NFASC: variants seen among roughly 807,000 people sequenced by gnomAD.
NFASC encodes the protein neurofascin.
A neutral mutation model predicts 147.5 loss-of-function variants in NFASC; 43 were observed. The ratio of observed to expected loss-of-function variants is 0.29; its 90% CI spans 0.23 to 0.38. The LOEUF is 0.38. NFASC is among the 10% of genes least tolerant of loss of function. The pLI is 1.00. For missense variants in NFASC, 1,320 were observed against 1,689.0 expected (o/e 0.78, Z 3.83); for synonymous variants, 622 against 665.5 (o/e 0.93, Z 1.01).
chr1:204,863,026 C>T (rs1375323585), intron 1 of NFASC, among the ~76,000 whole-genome samples: 4 of 152,152 alleles, frequency 2.6e-5, no homozygotes, highest in Non-Finnish European at 2.9e-5. Context: ...CTAAAGTCAG[C>T]ACAGAATGGG....
At chr1:204,970,788 T>C (rs766571222) in intron 11 of NFASC, 41 bp downstream of exon 11, 1 of 1,613,490 alleles carries the variant, frequency 6.2e-7, no homozygotes. Context: ...CTCATCTCTC[T>C]GCTGTCAAAG....
At chr1:204,836,428 G>C (rs138837980) in intron 1 of NFASC, among the ~76,000 whole-genome samples, 3 of 152,144 alleles carry the variant, frequency 2.0e-5, no homozygotes, top group Non-Finnish European at 4.4e-5. Flanking sequence ...AAAATTTTAA[G>C]TCTGTCTCCC....
intron 8 of NFASC, among the ~76,000 whole-genome samples, chr1:204,963,974 C>G (rs2094816503): frequency 6.6e-6 from 1 of 152,140 alleles, no homozygotes; most frequent in Non-Finnish European, 1.5e-5. Context: ...GGATTGGTAT[C>G]CTCTGAACAC....
chr1:204,856,174 A>G (rs1452005685), intron 1 of NFASC, among the ~76,000 whole-genome samples: 1 of 152,062 alleles, frequency 6.6e-6, no homozygotes, highest in Non-Finnish European at 1.5e-5. Context: ...CTTGCAGTCC[A>G]ATTGGAAGAA....
intron 4 of NFASC, among the ~76,000 whole-genome samples, chr1:204,951,593 C>T (rs7517121): frequency 0.35 from 52,546 of 151,236 alleles, 10,213 homozygotes; most frequent in Non-Finnish European, 0.44. Context: ...CTCAGCCTCC[C>T]GAGTAGCTGG....
intron 1 of NFASC, among the ~76,000 whole-genome samples, chr1:204,895,538 CT>C (rs1158447164): frequency 1.3e-5 from 2 of 152,186 alleles, no homozygotes; most frequent in Non-Finnish European, 2.9e-5. Context: ...CTGATTTTTG[CT>C]GATGACCATG....
intron 16 of NFASC, chr1:204,977,074 G>A (rs2095422295): frequency 4.1e-6 from 5 of 1,228,388 alleles, no homozygotes; most frequent in Non-Finnish European, 4.1e-6. Flanking sequence ...GGGGTTTCTC[G>A]TTGTGATCAT....
At chr1:204,859,536 T>C (rs1227941019) in intron 1 of NFASC, among the ~76,000 whole-genome samples, 4 of 152,244 alleles carry the variant, frequency 2.6e-5, no homozygotes, top group Admixed American at 2.0e-4. Flanking sequence ...CAGTAAATTA[T>C]CTGTGCTATA....
chr1:204,951,410 C>T (rs1407172824), intron 4 of NFASC, among the ~76,000 whole-genome samples: 53 of 150,626 alleles, frequency 3.5e-4, no homozygotes, highest in Non-Finnish European at 5.0e-4. Flanking sequence ...AAAATCCATC[C>T]GCCTCAGCCT....
intron 3 of NFASC, 48 bp downstream of exon 3, chr1:204,944,454 G>A: frequency 1.0e-6 from 1 of 982,566 alleles, no homozygotes; most frequent in East Asian, 2.8e-5. Context: ...ATTTTGGGCA[G>A]AGGGGTGGGA....
chr1:205,004,106 T>C (rs2096058456), intron 27 of NFASC, among the ~76,000 whole-genome samples: 1 of 152,252 alleles, frequency 6.6e-6, no homozygotes, highest in African/African-American at 2.4e-5. Flanking sequence ...TGTTGCTCAC[T>C]GGTATGTGCA....
At chr1:204,910,550 C>T (rs540592220) in intron 1 of NFASC, among the ~76,000 whole-genome samples, 1 of 152,142 alleles carries the variant, frequency 6.6e-6, no homozygotes, top group South Asian at 2.1e-4. Flanking sequence ...CTCCTGGGCT[C>T]AAGGGATCCT....
At chr1:204,936,204 C>CTT (rs71147722) in intron 2 of NFASC, among the ~76,000 whole-genome samples, 3 of 121,886 alleles carry the variant, frequency 2.5e-5, no homozygotes, top group African/African-American at 3.3e-5. Flanking sequence ...CTTTCTTTTT[C>CTT]TTTTTTTTTT....
chr1:204,900,673 G>A (rs1216261827), intron 1 of NFASC, among the ~76,000 whole-genome samples: 2 of 152,174 alleles, frequency 1.3e-5, no homozygotes, highest in African/African-American at 2.4e-5. Context: ...AGGGGAGACA[G>A]GGAGTGCTGG....
chr1:204,991,355 G>A (rs1462759593), intron 24 of NFASC, 49 bp downstream of exon 24: 1 of 1,597,306 alleles, frequency 6.3e-7, no homozygotes, highest in Non-Finnish European at 8.5e-7. Context: ...GGCAGCGCAG[G>A]CGGAGCCCAG....
intron 1 of NFASC, among the ~76,000 whole-genome samples, chr1:204,881,592 G>A (rs1572434898): frequency 6.6e-6 from 1 of 152,250 alleles, no homozygotes; most frequent in Non-Finnish European, 1.5e-5. Context: ...TATGAGACGG[G>A]AGACACAAGC....
rs2095467698 is a variant in NFASC at position 204,979,151 on chromosome 1, C to T, written c.1978+82C>T. On this transcript the variant is annotated intron_variant, in intron 18 of 29. Transcript: ENST00000339876. This position sits in a 1 kb window ranked among gnomAD's most constrained non-coding sequence, Gnocchi z 6.0. ...CCGAAGGCCTTTCCTGGTTTCCAGC[C>T]CCACTTCTGCCTCGCTTGATGTGTG... 8.3e-7 allele frequency: 1 copy of T among 1,208,304 alleles called. No homozygotes were observed. Among genetic ancestry groups the T allele is most frequent in the East Asian group, 2.6e-5 (1 of 38,974 alleles). The allele number at this position is 1,208,304 out of a possible 1,614,324, so 74.8% of individuals were successfully genotyped here. A position where few individuals can be genotyped will look rare whatever the true frequency, so the allele number is the denominator to read the frequency against.
rs1553254801 is a variant in NFASC at position 204,920,447 on chromosome 1, T to TTC, written c.-199-185_-199-184insTC. Among the ~76,000 whole-genome samples, 146 of 140,922 alleles carry TTC rather than the reference T, an allele frequency of 1.0e-3. 4 individuals carry two copies. The highest frequency in any genetic ancestry group is 8.2e-3 in the South Asian group (37 of 4,508). 92.5% of individuals were successfully genotyped at this position (140,922 alleles called of 152,430 possible). On this transcript the variant is annotated intron_variant, in intron 1 of 29. Transcript: ENST00000339876. ...CTGTCCTTTTTTTTTTTTTTTTTTT[T>TTC]CTTCCAGAGTGCTTTGAACTTCTTT...
At chr1:204,878,061 C>A (rs1203282127) in intron 1 of NFASC, among the ~76,000 whole-genome samples, 1 of 152,220 alleles carries the variant, frequency 6.6e-6, no homozygotes, top group African/African-American at 2.4e-5. Flanking sequence ...TGGCCAGCAG[C>A]TGACTTCTGG....
Sources: gnomAD v4.1 joint callset for allele counts (sites outside exome capture counted in the v4.1 genomes callset) on GRCh38, gnomAD v4.1.1 for gene constraint, Gnocchi (gnomAD v3.1) non-coding constraint, MANE v1.5 for transcripts, NCBI Gene and HGNC (gene_info 2026-07-23, HGNC 2026-07-21) for gene names.